PDGFD: variants seen among roughly 807,000 people sequenced by gnomAD.
The protein encoded by PDGFD is platelet-derived growth factor D.
Under a neutral mutation model 44.7 loss-of-function variants are expected in PDGFD, and 30 were observed. The ratio of observed to expected loss-of-function variants is 0.67; its 90% CI spans 0.50 to 0.91. The LOEUF is 0.91. Among genes scored for constraint, PDGFD ranks in the 40% least tolerant of loss-of-function variants. The pLI is 0.00. For missense variants in PDGFD, 445 were observed against 457.8 expected (o/e 0.97, Z 0.25); for synonymous variants, 173 against 168.4 (o/e 1.03, Z -0.21).
At chr11:104,135,319 G>A (rs568144898) in intron 1 of PDGFD, among the ~76,000 whole-genome samples, 93 of 152,216 alleles carry the variant, frequency 6.1e-4, no homozygotes, top group African/African-American at 2.1e-3. Context: ...CAATACTAAG[G>A]GAACATAGAA....
At chr11:103,925,454 T>C (rs1395298079) in intron 6 of PDGFD, among the ~76,000 whole-genome samples, 2 of 152,112 alleles carry the variant, frequency 1.3e-5, no homozygotes, top group Non-Finnish European at 2.9e-5. Context: ...AAAATATATT[T>C]CATATGCATT....
chr11:104,000,401 CT>C (rs1239526107), intron 1 of PDGFD, 146 bp from the exon 2 acceptor site: 6 of 687,884 alleles, frequency 8.7e-6, no homozygotes, highest in East Asian at 5.4e-5. Context: ...AATAAACAAA[CT>C]TTTTTTCTCA....
chr11:103,983,068 T>C (rs1198139335), intron 3 of PDGFD, among the ~76,000 whole-genome samples: 1 of 151,850 alleles, frequency 6.6e-6, no homozygotes, highest in Non-Finnish European at 1.5e-5. Context: ...AAAAAAACTA[T>C]TTTAAAATTC....
At chr11:104,026,166 G>GCCCATATGTGTGTT (rs1194617589) in intron 1 of PDGFD, among the ~76,000 whole-genome samples, 1 of 152,192 alleles carries the variant, frequency 6.6e-6, no homozygotes, top group Non-Finnish European at 1.5e-5. Flanking sequence ...CCATGAAAGT[G>GCCCATATGTGTGTT]CCCATATGTG....
intron 1 of PDGFD, among the ~76,000 whole-genome samples, chr11:104,120,880 A>C (rs1035755932): frequency 6.6e-6 from 1 of 151,932 alleles, no homozygotes; most frequent in Non-Finnish European, 1.5e-5. Context: ...AGTAGATCAG[A>C]AGTCCTTTGA....
At chr11:104,086,173 C>T (rs568560860) in intron 1 of PDGFD, among the ~76,000 whole-genome samples, 1 of 152,152 alleles carries the variant, frequency 6.6e-6, no homozygotes, top group Non-Finnish European at 1.5e-5. Context: ...GCAAAAACAG[C>T]AATGATGTAG....
intron 5 of PDGFD, among the ~76,000 whole-genome samples, chr11:103,937,651 C>T (rs964269779): frequency 2.0e-5 from 3 of 151,328 alleles, no homozygotes; most frequent in African/African-American, 7.3e-5. Flanking sequence ...GTGCTGCACC[C>T]ATTAACTCGT....
intron 4 of PDGFD, among the ~76,000 whole-genome samples, chr11:103,944,664 T>C (rs1253181546): frequency 6.6e-6 from 1 of 152,234 alleles, no homozygotes; most frequent in Admixed American, 6.5e-5. Context: ...AGAAAAATTA[T>C]GTGCTATTGA....
In PDGFD at chr11:104,154,110, G is replaced by A. The variant is rs561409662; in HGVS notation, c.124+9694C>T. ...TATGTTTTATCCTCAAAAATGTTAT[G>A]TTAATAGTTGTATAAATTGATAGGG... On this transcript the variant is annotated intron_variant, in intron 1 of 6. Transcript: ENST00000393158. Among the ~76,000 whole-genome samples the A allele has an allele frequency of 8.5e-5, 13 of 152,212 alleles. No homozygotes were observed. The South Asian group carries it at 2.7e-3, about 32-fold the overall frequency.
intron 1 of PDGFD, among the ~76,000 whole-genome samples, chr11:104,135,042 G>A (rs974117932): frequency 1.3e-5 from 2 of 152,152 alleles, no homozygotes; most frequent in East Asian, 1.9e-4. Context: ...TCTCAGTAGG[G>A]GCTACAGTTA....
At chr11:103,957,336 T>A (rs1223422186) in intron 3 of PDGFD, among the ~76,000 whole-genome samples, 1 of 152,178 alleles carries the variant, frequency 6.6e-6, no homozygotes, top group Non-Finnish European at 1.5e-5. Context: ...AAGCTACCAA[T>A]GACTTTCTTC....
chr11:104,088,396 A>T (rs1235048606), intron 1 of PDGFD, among the ~76,000 whole-genome samples: 2 of 152,196 alleles, frequency 1.3e-5, no homozygotes, highest in Non-Finnish European at 2.9e-5. Flanking sequence ...TCACTTTTTT[A>T]TTGAGTGCTT....
rs1490732045 is a variant in PDGFD at position 104,076,433 on chromosome 11, T to G, written c.125-76178A>C. On this transcript the variant is annotated intron_variant, in intron 1 of 6. Transcript: ENST00000393158. ...CTTTCATTAGAGGACAGAGTAGTGT[T>G]TCTACACTTGTTGCAGGGGCAGGTC... 2.0e-5 allele frequency among the ~76,000 whole-genome samples: 3 copies of G among 152,298 alleles called. 1 individual carries two copies. The highest frequency in any genetic ancestry group is 2.0e-4 in the Admixed American group (3 of 15,298).
intron 1 of PDGFD, among the ~76,000 whole-genome samples, chr11:104,020,367 A>G (rs907572919): frequency 6.6e-6 from 1 of 152,152 alleles, no homozygotes; most frequent in Non-Finnish European, 1.5e-5. Flanking sequence ...TATCCATTTA[A>G]TCTTTCCCAA....
intron 1 of PDGFD, among the ~76,000 whole-genome samples, chr11:104,045,670 A>ATTTTTTTTTTTTTTTTTTTTTTTTT: frequency 6.7e-6 from 1 of 148,428 alleles, no homozygotes; most frequent in South Asian, 2.2e-4. Flanking sequence ...CTAGGTTTTG[A>ATTTTTTTTTTTTTTTTTTTTTTTTT]GTTTTTTAAG....
At chr11:104,113,512 A>G (rs1861590688) in intron 1 of PDGFD, among the ~76,000 whole-genome samples, 1 of 151,948 alleles carries the variant, frequency 6.6e-6, no homozygotes, top group Non-Finnish European at 1.5e-5. Flanking sequence ...CCATTCACCT[A>G]TGTACACAAG....
At position 103,995,532 on chromosome 11, in the gene PDGFD, T is replaced by G. The variant is rs116683726; in HGVS notation, c.510+533A>C. Among the ~76,000 whole-genome samples, 1,484 of 152,286 alleles carry G rather than the reference T, an allele frequency of 9.7e-3. 19 individuals are homozygous for G. The highest frequency in any genetic ancestry group is 0.033 in the African/African-American group (1,357 of 41,554). On this transcript the variant is annotated intron_variant, in intron 3 of 6. Coordinates refer to ENST00000393158, the MANE Select transcript of PDGFD (RefSeq NM_025208.5). The stretch of plus-strand genomic sequence containing the variant: ...GTGTAGCAAACAGGATTCATACTCT[T>G]GGGTCCTCTATTGGACCTTTTGATT...
At position 103,951,731 on chromosome 11, in the gene PDGFD, T is replaced by C. The variant is rs1858761004; in HGVS notation, c.511-4007A>G. Among the ~76,000 whole-genome samples the C allele has an allele frequency of 2.0e-5, 3 of 152,008 alleles. No individual in the cohort carries two copies. In the South Asian group the frequency reaches 6.2e-4, roughly 32 times the overall value. On this transcript the variant is annotated intron_variant, in intron 3 of 6. Coordinates refer to ENST00000393158, the MANE Select transcript of PDGFD (RefSeq NM_025208.5). ...CGCTCCAATGGCTGGCTCCTCATCA[T>C]TTAGTTCTCTGCTCAAATATCTAAC...
chr11:104,124,258 A>G (rs1275684376), intron 1 of PDGFD, among the ~76,000 whole-genome samples: 2 of 152,116 alleles, frequency 1.3e-5, no homozygotes, highest in Non-Finnish European at 2.9e-5. Context: ...AAGGCTGCAT[A>G]TGCACTGTAG....
Sources: allele counts gnomAD v4.1 joint callset (sites outside exome capture counted in the v4.1 genomes callset), GRCh38; gene constraint gnomAD v4.1.1; transcripts MANE v1.5; gene names NCBI Gene and HGNC (gene_info 2026-07-23, HGNC 2026-07-21).